The following GLRX3 variants were observed in gnomAD, a reference collection of about 807,000 sequenced individuals.
GLRX3 encodes the protein glutaredoxin-3.
Under a neutral mutation model 49.5 loss-of-function variants are expected in GLRX3, and 22 were observed. That is an observed-to-expected ratio of 0.44 (90% confidence interval 0.32 to 0.63). The LOEUF (loss-of-function observed/expected upper bound fraction) is 0.63. Ranked by LOEUF, GLRX3 falls within the 30% of genes least tolerant of loss-of-function variation. The pLI, the probability that GLRX3 is intolerant of heterozygous loss-of-function variation, is 0.05. For synonymous variants in GLRX3, 133 were observed against 140.0 expected, an observed-to-expected ratio of 0.95 and a Z score of 0.35; for missense variants, 385 against 396.3, an observed-to-expected ratio of 0.97 and a Z score of 0.24.
At chr10:130,168,647 C>T (rs565432644) in intron 6 of GLRX3, among the ~76,000 whole-genome samples, 6 of 152,280 alleles carry the variant, frequency 3.9e-5, no homozygotes, top group East Asian at 1.9e-4. Context: ...GGGGTTTCAC[C>T]GTGTTTTGCC....
rs1400308513 is a variant in GLRX3, at chr10:130,175,173, AG to A, written c.957+85del. 7 of 823,150 alleles carry A rather than the reference AG, an allele frequency of 8.5e-6. No homozygotes were observed. In the African/African-American group the frequency reaches 1.2e-4, roughly 14 times the overall value. The allele number at this position is 823,150 out of a possible 1,614,324, so 51.0% of individuals were successfully genotyped here. A position where few individuals can be genotyped will look rare whatever the true frequency, so the allele number is the denominator to read the frequency against. On this transcript the variant is annotated intron_variant, in intron 10 of 10. Coordinates refer to ENST00000331244, the MANE Select transcript of GLRX3 (RefSeq NM_006541.5). ...TGATTTCATATTGAATGGAAACTTGAGAGTTGTTTTTGACTCCTGTTTCCAG... is the reference window on the plus strand; with the variant it reads ...TGATTTCATATTGAATGGAAACTTGAAGTTGTTTTTGACTCCTGTTTCCAG...
At chr10:130,159,755 A>G in intron 2 of GLRX3, 2 of 1,232,700 alleles carry the variant, frequency 1.6e-6, no homozygotes, top group Non-Finnish European at 2.0e-6. Flanking sequence ...GCCTCCAGGC[A>G]TCTTTTGAAA....
intron 1 of GLRX3, among the ~76,000 whole-genome samples, chr10:130,142,914 A>C (rs1229727597): frequency 3.9e-5 from 6 of 152,154 alleles, no homozygotes; most frequent in African/African-American, 1.4e-4. Context: ...TGAGGCGCTG[A>C]CCTCGGGTCT....
At chr10:130,157,674 T>A (rs1051028769) in intron 2 of GLRX3, among the ~76,000 whole-genome samples, 7 of 151,826 alleles carry the variant, frequency 4.6e-5, no homozygotes, top group African/African-American at 1.7e-4. Flanking sequence ...AAACCAACCA[T>A]TGCACCTCCT....
At chr10:130,160,192 C>T (rs1862547694) in intron 3 of GLRX3, 123 bp downstream of exon 3, 4 of 648,440 alleles carry the variant, frequency 6.2e-6, no homozygotes, top group Non-Finnish European at 1.1e-5. Flanking sequence ...TGGCCCTCCA[C>T]CTTTCTTCTG....
intron 1 of GLRX3, among the ~76,000 whole-genome samples, chr10:130,139,648 A>AAC (rs994704313): frequency 3.0e-4 from 41 of 137,526 alleles, no homozygotes; most frequent in Non-Finnish European, 6.0e-4. Context: ...TCTCAAAAAA[A>AAC]AAAAAACCAA....
At chr10:130,157,036 A>G (rs981391334) in intron 2 of GLRX3, among the ~76,000 whole-genome samples, 1 of 152,222 alleles carries the variant, frequency 6.6e-6, no homozygotes, top group Admixed American at 6.5e-5. Context: ...TTTATTAGCC[A>G]TGTATCTTTG....
Position 130,160,860 on chromosome 10 carries a change from G to A in GLRX3, c.341G>A (p.Arg114Gln), listed in dbSNP as rs775786978. Residue 114 changes from arginine (R) to glutamine (Q), a missense_variant, in exon 4 of 11, where the codon CGA becomes CAA. Transcript: ENST00000331244. Reference sequence around the variant, plus strand: ...CCAGAGTTGACCAAAAAAGTTCAGCGACATGCATCTAGTGGCTCCTTCCTA... The same window carrying A: ...CCAGAGTTGACCAAAAAAGTTCAGCAACATGCATCTAGTGGCTCCTTCCTA... ...HAPELTKKVQ[R>Q]HASSGSFLPS... 105 of 1,609,994 alleles carry A rather than the reference G, an allele frequency of 6.5e-5. 1 individual carries two copies. The highest frequency in any genetic ancestry group is 1.1e-4 in the East Asian group (5 of 44,864).
intron 1 of GLRX3, among the ~76,000 whole-genome samples, chr10:130,140,270 A>G (rs1404888586): frequency 3.3e-5 from 5 of 152,226 alleles, no homozygotes; most frequent in African/African-American, 7.2e-5. Flanking sequence ...CTAAAGTTAC[A>G]TTAGTCAGGA....
At chr10:130,144,076 G>A (rs945624187) in intron 1 of GLRX3, among the ~76,000 whole-genome samples, 3 of 152,048 alleles carry the variant, frequency 2.0e-5, no homozygotes, top group Non-Finnish European at 4.4e-5. Flanking sequence ...TCTTTTCCTC[G>A]TTTTGCACTG....
At chr10:130,152,942 C>A (rs1354638362) in intron 2 of GLRX3, among the ~76,000 whole-genome samples, 1 of 152,200 alleles carries the variant, frequency 6.6e-6, no homozygotes, top group Non-Finnish European at 1.5e-5. Flanking sequence ...GTACACCAAT[C>A]AAACGTAGAT....
At chr10:130,142,838 C>T (rs1862200590) in intron 1 of GLRX3, among the ~76,000 whole-genome samples, 1 of 152,146 alleles carries the variant, frequency 6.6e-6, no homozygotes, top group Non-Finnish European at 1.5e-5. Flanking sequence ...CCTAGGACCC[C>T]TTCTCTGCTT....
At chr10:130,167,124 A>G (rs1347821828) in intron 6 of GLRX3, 144 bp downstream of exon 6, 2 of 503,466 alleles carry the variant, frequency 4.0e-6, no homozygotes, top group Non-Finnish European at 7.0e-6. Context: ...CACATTAGCC[A>G]TTCAAACTTT....
At chr10:130,156,384 A>G (rs554157285) in intron 2 of GLRX3, among the ~76,000 whole-genome samples, 202 of 152,292 alleles carry the variant, frequency 1.3e-3, no homozygotes, top group Non-Finnish European at 1.5e-3. Flanking sequence ...CTTAATTGCT[A>G]TCACCTTTGA....
intron 2 of GLRX3, among the ~76,000 whole-genome samples, chr10:130,150,976 G>A (rs969848915): frequency 6.7e-6 from 1 of 148,626 alleles, no homozygotes; most frequent in Non-Finnish European, 1.5e-5. Context: ...CGCCCAGGCT[G>A]GAGTGCAATG....
intron 8 of GLRX3, among the ~76,000 whole-genome samples, chr10:130,172,068 G>A (rs1862821649): frequency 1.3e-5 from 2 of 152,124 alleles, no homozygotes; most frequent in South Asian, 4.1e-4. Context: ...ATTTTTTGCT[G>A]TATTGTTTTG....
intron 2 of GLRX3, among the ~76,000 whole-genome samples, chr10:130,149,731 C>T (rs1241127149): frequency 6.6e-6 from 1 of 150,418 alleles, no homozygotes; most frequent in African/African-American, 2.4e-5. Context: ...TATTTGAGAT[C>T]CAAATCAACT....
At chr10:130,142,409 T>C (rs1338627536) in intron 1 of GLRX3, among the ~76,000 whole-genome samples, 1 of 152,166 alleles carries the variant, frequency 6.6e-6, no homozygotes, top group Non-Finnish European at 1.5e-5. Context: ...ACTGCCTTCT[T>C]CTTCTTCAAG....
chr10:130,179,642 T>C lies in GLRX3; in HGVS notation c.*250T>C, dbSNP rs1862988629. On this transcript the variant is annotated 3_prime_UTR_variant, in exon 11 of 11. Transcript: ENST00000331244. ...TGAAAAAAGTGTATCTTTACAGCAGTATTAAACATACAGCTACTATAATTA... is the reference window on the plus strand; with the variant it reads ...TGAAAAAAGTGTATCTTTACAGCAGCATTAAACATACAGCTACTATAATTA... 2.3e-6 allele frequency: 1 copy of C among 426,704 alleles called. No homozygotes were observed. Among genetic ancestry groups the C allele is most frequent in the Non-Finnish European group, 4.2e-6 (1 of 236,470 alleles). 26.4% of individuals were successfully genotyped at this position (426,704 alleles called of 1,614,324 possible).
Sources: allele counts gnomAD v4.1 joint callset (sites outside exome capture counted in the v4.1 genomes callset), GRCh38; gene constraint gnomAD v4.1.1; transcripts MANE v1.5; gene names NCBI Gene and HGNC (gene_info 2026-07-23, HGNC 2026-07-21).